The following PRKCA variants were observed in gnomAD, a reference collection of about 807,000 sequenced individuals.
PRKCA encodes protein kinase C alpha type.
Under a neutral mutation model 87.0 loss-of-function variants are expected in PRKCA, and 27 were observed. The observed-to-expected ratio is 0.31, with a 90% CI of 0.23 to 0.43. The LOEUF (loss-of-function observed/expected upper bound fraction) is 0.43, where lower values mean the gene tolerates loss of function less well. PRKCA is among the 20% of genes least tolerant of loss of function. The pLI, the probability that PRKCA is intolerant of heterozygous loss-of-function variation, is 1.00. For missense variants in PRKCA, 518 were observed against 852.3 expected (o/e 0.61, Z 4.88); for synonymous variants, 329 against 311.1 (o/e 1.06, Z -0.61).
chr17:66,362,234 A>C (rs542270474), intron 2 of PRKCA, among the ~76,000 whole-genome samples: 4 of 152,090 alleles, frequency 2.6e-5, no homozygotes, highest in Non-Finnish European at 5.9e-5. Context: ...ACTGGGTTTC[A>C]TCATGTTGGC....
chr17:66,402,015 A>G (rs531652224), intron 2 of PRKCA, among the ~76,000 whole-genome samples: 54 of 152,330 alleles, frequency 3.5e-4, no homozygotes, highest in African/African-American at 1.2e-3. Flanking sequence ...TCCATCCCCT[A>G]TGTTGGAGGG....
intron 16 of PRKCA, among the ~76,000 whole-genome samples, chr17:66,800,997 T>C (rs1265401523): frequency 6.6e-6 from 1 of 152,332 alleles, no homozygotes; most frequent in African/African-American, 2.4e-5. Flanking sequence ...TTCACTTGAA[T>C]TCTTCCAGGC....
chr17:66,697,957 A>G (rs564045504), intron 8 of PRKCA, among the ~76,000 whole-genome samples: 181 of 152,308 alleles, frequency 1.2e-3, no homozygotes, highest in African/African-American at 3.9e-3. Flanking sequence ...TTAGCACCTA[A>G]CCTAGCTTTG....
At chr17:66,727,605 T>C (rs1451219562) in intron 8 of PRKCA, among the ~76,000 whole-genome samples, 2 of 151,224 alleles carry the variant, frequency 1.3e-5, no homozygotes. Flanking sequence ...CATTTTTTTT[T>C]CTTTTTTGCT....
chr17:66,424,946 G>C (rs796552510), intron 2 of PRKCA, among the ~76,000 whole-genome samples: 18 of 151,962 alleles, frequency 1.2e-4, no homozygotes, highest in African/African-American at 4.3e-4. Flanking sequence ...TTTTTTAGTA[G>C]AGATGGGGTT....
chr17:66,777,178 T>C (rs1975074912), intron 14 of PRKCA: 2 of 984,752 alleles, frequency 2.0e-6, no homozygotes, highest in African/African-American at 3.5e-5. Context: ...CCTGCCCATG[T>C]CCGAACAGCC....
At position 66,666,266 on chromosome 17, in the gene PRKCA, A is replaced by G. The variant is rs149617363; in HGVS notation, c.529+20755A>G. ...GCAAACATAGAATTATAACAAGGGG[A>G]TGTGATAAATGTTGGATGGCAGCAG... On this transcript the variant is annotated intron_variant, in intron 5 of 16. Transcript: ENST00000413366. Among the ~76,000 whole-genome samples the G allele has an allele frequency of 6.2e-4, 94 of 152,308 alleles. No individual in the cohort carries two copies. In the East Asian group the frequency reaches 0.014, roughly 22 times the overall value.
intron 13 of PRKCA, among the ~76,000 whole-genome samples, chr17:66,753,256 G>C (rs538562238): frequency 2.0e-5 from 3 of 152,156 alleles, no homozygotes; most frequent in African/African-American, 7.2e-5. Context: ...CCTGCTCTCC[G>C]ACCCCTTTTA....
At chr17:66,539,625 C>T (rs564308925) in intron 3 of PRKCA, among the ~76,000 whole-genome samples, 4 of 152,166 alleles carry the variant, frequency 2.6e-5, no homozygotes, top group African/African-American at 7.2e-5. Flanking sequence ...AGGATAGTCT[C>T]GATCACCTGA....
chr17:66,800,490 C>T (rs1411697806), intron 16 of PRKCA, among the ~76,000 whole-genome samples: 2 of 152,204 alleles, frequency 1.3e-5, no homozygotes, highest in Admixed American at 1.3e-4. Flanking sequence ...CTTCTCTGGA[C>T]ACCAGCTTTG....
At chr17:66,741,545 A>C in intron 11 of PRKCA, 114 bp from the exon 12 acceptor site, 2 of 1,124,400 alleles carry the variant, frequency 1.8e-6, no homozygotes, top group South Asian at 2.8e-5. Flanking sequence ...CTGGTCTCTG[A>C]GAGCCTCTGG....
rs71160568 is a variant in PRKCA at position 66,406,585 on chromosome 17, G to GTT, written c.206-89593_206-89592dup. Among the ~76,000 whole-genome samples the GTT allele has an allele frequency of 3.8e-3, 269 of 70,186 alleles. 27 individuals carry two copies. The highest frequency in any genetic ancestry group is 7.8e-3 in the South Asian group (11 of 1,404). The allele number at this position is 70,186 out of a possible 152,430, so 46.0% of individuals were successfully genotyped here. On this transcript the variant is annotated intron_variant, in intron 2 of 16. Transcript: ENST00000413366. ...TCATGTAGCATTGTAGCTTTTCCAG[G>GTT]TTTTTTTTTTTTTTTTTTTTTTTTA... is the stretch of plus-strand genomic sequence containing the variant.
intron 2 of PRKCA, among the ~76,000 whole-genome samples, chr17:66,404,771 A>ATTTTTTTTT (rs1445620775): frequency 4.2e-4 from 4 of 9,530 alleles, no homozygotes; most frequent in Non-Finnish European, 1.0e-3. Context: ...TTTTTTTTTG[A>ATTTTTTTTT]GACAGCGTTT....
intron 2 of PRKCA, among the ~76,000 whole-genome samples, chr17:66,409,956 T>G (rs1911677107): frequency 6.6e-6 from 1 of 152,096 alleles, no homozygotes; most frequent in Admixed American, 6.6e-5. Context: ...GAAATCAGAC[T>G]CAGTTAGTAG....
chr17:66,308,541 T>C (rs1904936674), intron 2 of PRKCA, among the ~76,000 whole-genome samples: 1 of 152,182 alleles, frequency 6.6e-6, no homozygotes, highest in Non-Finnish European at 1.5e-5. Flanking sequence ...GGTGAAGAAT[T>C]TAACCTCAGA....
chr17:66,388,135 A>G (rs1910166046), intron 2 of PRKCA, among the ~76,000 whole-genome samples: 1 of 151,970 alleles, frequency 6.6e-6, no homozygotes, highest in Non-Finnish European at 1.5e-5. Context: ...GTAAGCAGAG[A>G]TCCGTGAGCC....
chr17:66,631,707 G>A (rs2143749646), intron 3 of PRKCA, among the ~76,000 whole-genome samples: 1 of 152,174 alleles, frequency 6.6e-6, no homozygotes, highest in African/African-American at 2.4e-5. Context: ...GAGCATAATT[G>A]GATTGTAACT....
At chr17:66,529,037 T>C (rs1967447464) in intron 3 of PRKCA, among the ~76,000 whole-genome samples, 1 of 152,238 alleles carries the variant, frequency 6.6e-6, no homozygotes, top group Non-Finnish European at 1.5e-5. Context: ...GAAGCCAGTT[T>C]CTTTTTTCTT....
chr17:66,311,076 AG>A (rs1433283720), intron 2 of PRKCA, among the ~76,000 whole-genome samples: 15 of 152,130 alleles, frequency 9.9e-5, no homozygotes, highest in Admixed American at 7.2e-4. Context: ...TGTCTTCAGG[AG>A]GGGTTCAGCC....
Sources: allele counts gnomAD v4.1 joint callset (sites outside exome capture counted in the v4.1 genomes callset), GRCh38; gene constraint gnomAD v4.1.1; transcripts MANE v1.5; gene names NCBI Gene and HGNC (gene_info 2026-07-23, HGNC 2026-07-21).